The following USP30 variants were observed in gnomAD, a reference collection of about 807,000 sequenced individuals.
USP30 encodes ubiquitin specific peptidase 30.
Under a neutral mutation model 68.2 loss-of-function variants are expected in USP30, and 41 were observed. That is an observed-to-expected ratio of 0.60 (90% CI 0.47 to 0.78). The LOEUF (loss-of-function observed/expected upper bound fraction) is 0.78. Among genes scored for constraint, USP30 ranks in the 30% least tolerant of loss-of-function variants. The pLI is 0.00. For synonymous variants in USP30, 229 were observed against 253.7 expected (o/e 0.90, Z 0.93); for missense variants, 522 against 649.4 (o/e 0.80, Z 2.13).
chr12:109,024,108 G>T (rs912512663), intron 1 of USP30, among the ~76,000 whole-genome samples: 1 of 152,104 alleles, frequency 6.6e-6, no homozygotes, highest in Non-Finnish European at 1.5e-5. Context: ...AACTTTCCGT[G>T]CTTGCATTTC....
chr12:109,028,457 T>G (rs2040459678), intron 3 of USP30, among the ~76,000 whole-genome samples: 1 of 151,596 alleles, frequency 6.6e-6, no homozygotes, highest in African/African-American at 2.4e-5. Flanking sequence ...CACCCTTTTT[T>G]TTTTCTGTTT....
upstream of USP30, chr12:109,052,517 T>C (rs1051414846): frequency 1.1e-5 from 6 of 542,430 alleles, no homozygotes; most frequent in African/African-American, 9.8e-5. Flanking sequence ...CGGGGGCAGC[T>C]ACTTCCGGTC....
chr12:109,050,921 C>T (rs377657690), upstream of USP30, among the ~76,000 whole-genome samples: 1 of 152,170 alleles, frequency 6.6e-6, no homozygotes, highest in East Asian at 1.9e-4. Context: ...GCAGGATAAT[C>T]GCTTGAACCT....
intron 3 of USP30, among the ~76,000 whole-genome samples, chr12:109,065,134 G>A (rs188185044): frequency 7.2e-5 from 11 of 152,312 alleles, no homozygotes; most frequent in East Asian, 3.9e-4. Context: ...GCCCATTGAC[G>A]GCAAGTCAGA....
intron 3 of USP30, among the ~76,000 whole-genome samples, chr12:109,029,050 G>A (rs2040463884): frequency 6.6e-6 from 1 of 152,146 alleles, no homozygotes; most frequent in Non-Finnish European, 1.5e-5. Flanking sequence ...TACAACTCCT[G>A]CTCAGCTCAG....
rs1011927206 is a variant in USP30, at chr12:109,081,360, T to C, written c.747T>C (p.Asp249=). 1 of 1,614,198 alleles carries C rather than the reference T, an allele frequency of 6.2e-7. No homozygotes were observed. The highest frequency in any genetic ancestry group is 8.5e-7 in the Non-Finnish European group (1 of 1,180,036). The change falls in exon 8 of 13, where the codon GAT becomes GAC. Residue 249 remains aspartate (D), a synonymous_variant. Coordinates refer to ENST00000257548, the MANE Select transcript of USP30 (RefSeq NM_032663.5). ...HQSPVRFDTF[D]SLSLSIPAAT... is the part of the protein sequence containing the mutation. ...GTCCTGTTCGATTTGATACCTTTGA[T>C]AGCCTTTCACTAAGTATTCCAGCCG...
chr12:109,044,183 T>C (rs2040584287), intron 3 of USP30, among the ~76,000 whole-genome samples: 1 of 152,150 alleles, frequency 6.6e-6, no homozygotes, highest in African/African-American at 2.4e-5. Flanking sequence ...AGAGACAAAA[T>C]GTAGAATAGT....
chr12:109,080,040 T>C (rs576284399), intron 7 of USP30, among the ~76,000 whole-genome samples: 1 of 152,330 alleles, frequency 6.6e-6, no homozygotes, highest in African/African-American at 2.4e-5. Context: ...CTCCCCTACA[T>C]TGGGCAGCAA....
At chr12:109,047,199 T>C (rs2040613088) in intron 3 of USP30, among the ~76,000 whole-genome samples, 1 of 152,150 alleles carries the variant, frequency 6.6e-6, no homozygotes. Flanking sequence ...GAAACCCTTC[T>C]TATGTTCATT....
At position 109,073,330 on chromosome 12, in the gene USP30, A is replaced by AT. The variant is rs1593278491; in HGVS notation, c.626-102dup. 5 of 730,598 alleles carry AT rather than the reference A, an allele frequency of 6.8e-6. No homozygotes were observed. The East Asian group carries it at 1.1e-4, about 16-fold the overall frequency. 45.3% of individuals were successfully genotyped at this position (730,598 alleles called of 1,614,324 possible). ...CTATTTCAATGTACTTTTCAAGAAT[A>AT]TTTTTTCTTAAGAGGTAGTTTCTAC... On this transcript the variant is annotated intron_variant, in intron 6 of 12. Transcript: ENST00000257548.
At chr12:109,027,222 A>G (rs2040451037) in intron 2 of USP30, among the ~76,000 whole-genome samples, 1 of 152,188 alleles carries the variant, frequency 6.6e-6, no homozygotes, top group East Asian at 1.9e-4. Context: ...CCCATTGAGT[A>G]ATAACTCCCT....
chr12:109,023,106 G>T (rs2040418929), exon 1 of USP30: 1 of 152,250 alleles, frequency 6.6e-6, no homozygotes, highest in Admixed American at 6.5e-5. Flanking sequence ...TTGTTGCATA[G>T]CTGGGAAAGG....
intron 3 of USP30, among the ~76,000 whole-genome samples, chr12:109,032,009 G>A (rs544397072): frequency 1.3e-5 from 2 of 151,806 alleles, no homozygotes; most frequent in South Asian, 4.2e-4. Context: ...GACTAAGGTA[G>A]GAGGATCACT....
intron 3 of USP30, among the ~76,000 whole-genome samples, chr12:109,036,696 G>C (rs894762967): frequency 2.0e-5 from 3 of 152,080 alleles, no homozygotes; most frequent in African/African-American, 7.2e-5. Flanking sequence ...AGTTTTGCCA[G>C]ATATAGTATT....
chr12:109,038,817 G>T (rs1427105736), intron 3 of USP30, among the ~76,000 whole-genome samples: 1 of 152,148 alleles, frequency 6.6e-6, no homozygotes, highest in Non-Finnish European at 1.5e-5. Context: ...ATGGGTGTGT[G>T]GTGGTATTAT....
chr12:109,055,379 CATATATATAT>C (rs71443831), intron 1 of USP30, among the ~76,000 whole-genome samples: 1 of 58,950 alleles, frequency 1.7e-5, no homozygotes, highest in Non-Finnish European at 3.0e-5. Context: ...CATATATATA[CATATATATAT>C]ATATATATAT....
Position 109,052,617 on chromosome 12 carries a change from C to G in USP30, c.-62C>G. The G allele has an allele frequency of 1.0e-6, 1 of 959,900 alleles. No individual in the cohort carries two copies. Among genetic ancestry groups the G allele is most frequent in the Non-Finnish European group, 1.4e-6 (1 of 703,112 alleles). 59.5% of individuals were successfully genotyped at this position (959,900 alleles called of 1,614,324 possible). Reference sequence around the variant, plus strand: ...CTGTCTCGGGAACCGTCGTATCCCTCGGTCCGGCGGCGGCGGCGGCGGTAG... The same window carrying G: ...CTGTCTCGGGAACCGTCGTATCCCTGGGTCCGGCGGCGGCGGCGGCGGTAG... On this transcript the variant is annotated 5_prime_UTR_variant, in exon 1 of 13. Transcript: ENST00000257548.
At chr12:109,064,093 C>T (rs1027862698) in intron 3 of USP30, among the ~76,000 whole-genome samples, 1 of 151,642 alleles carries the variant, frequency 6.6e-6, no homozygotes, top group Non-Finnish European at 1.5e-5. Context: ...AGGATGGTCT[C>T]GATCTCTTGA....
rs147085487 is a variant in USP30 at position 109,062,726 on chromosome 12, A to G, written c.376+4618A>G. 2.0e-5 allele frequency among the ~76,000 whole-genome samples: 3 copies of G among 152,282 alleles called. No homozygotes were observed. In the East Asian group the frequency reaches 5.8e-4, roughly 29 times the overall value. On this transcript the variant is annotated intron_variant, in intron 3 of 12. Transcript: ENST00000257548. ...CTTTTTAAATTGTGGCAAAATATCCATAACATAAAATTTACCATTTTCAGC... is the reference window on the plus strand; with the variant it reads ...CTTTTTAAATTGTGGCAAAATATCCGTAACATAAAATTTACCATTTTCAGC...
Sources: allele counts gnomAD v4.1 joint callset (sites outside exome capture counted in the v4.1 genomes callset), GRCh38; gene constraint gnomAD v4.1.1; transcripts MANE v1.5; gene names NCBI Gene and HGNC (gene_info 2026-07-23, HGNC 2026-07-21).